The following NAPA variants were observed in gnomAD, a reference collection of about 807,000 sequenced individuals.
NAPA encodes alpha-soluble NSF attachment protein.
NAPA carries 18 observed loss-of-function variants against 48.0 expected under a neutral mutation model. The ratio of observed to expected loss-of-function variants is 0.38; its 90% confidence interval spans 0.26 to 0.56. The LOEUF is 0.56. Ranked by LOEUF, NAPA falls within the 20% of genes least tolerant of loss-of-function variation. NAPA has a pLI of 0.77. For missense variants in NAPA, 315 were observed against 385.0 expected (o/e 0.82, Z 1.52); for synonymous variants, 152 against 149.9 (o/e 1.01, Z -0.10).
chr19:47,505,721 G>A (rs577421703), intron 1 of NAPA, among the ~76,000 whole-genome samples: 37 of 152,276 alleles, frequency 2.4e-4, no homozygotes, highest in African/African-American at 7.7e-4. Context: ...CACGGTGGGC[G>A]GGCTGGTTGG....
In NAPA at chr19:47,498,299, C is replaced by T. The variant is rs559456138; in HGVS notation, c.295+2334G>A. 2.0e-5 allele frequency among the ~76,000 whole-genome samples: 3 copies of T among 152,292 alleles called. No individual in the cohort carries two copies. The South Asian group carries it at 6.2e-4, about 32-fold the overall frequency. On this transcript the variant is annotated intron_variant, in intron 3 of 10. Coordinates refer to ENST00000263354, the MANE Select transcript of NAPA (RefSeq NM_003827.4). ...GCAAGGTTCCAAATCGGGCCTCCAG[C>T]GCTGTCTCACAAGGCACCCGGCCAA...
At chr19:47,488,422 C>G (rs770054903) in intron 10 of NAPA, 33 bp from the exon 11 acceptor site, 4 of 1,567,144 alleles carry the variant, frequency 2.6e-6, no homozygotes, top group Non-Finnish European at 2.6e-6. Context: ...GCTGGCCATG[C>G]TCCCCCCGTT....
At chr19:47,500,854 A>G in intron 2 of NAPA, 105 bp from the exon 3 acceptor site, 2 of 829,670 alleles carry the variant, frequency 2.4e-6, no homozygotes, top group Non-Finnish European at 3.7e-6. Context: ...GAGAATGCGG[A>G]AAGAGTCCCC....
At position 47,493,340 on chromosome 19, in the gene NAPA, G is replaced by C; in HGVS notation, c.420+76C>G. On this transcript the variant is annotated intron_variant, in intron 5 of 10. Coordinates refer to ENST00000263354, the MANE Select transcript of NAPA (RefSeq NM_003827.4). The surrounding 1 kb of genome is among the most constrained non-coding windows in gnomAD (Gnocchi z 6.4). The stretch of plus-strand genomic sequence containing the variant: ...CCTTCTCGGCACTCAGACACCAGAG[G>C]ACTCCCCTGGTGGGAAGAAGAGAGA... The C allele has an allele frequency of 1.3e-6, 2 of 1,555,588 alleles. No homozygotes were observed. The highest frequency in any genetic ancestry group is 1.8e-6 in the Non-Finnish European group (2 of 1,130,336).
Position 47,493,159 on chromosome 19 carries a change from C to A in NAPA, c.436G>T (p.Glu146Ter), listed in dbSNP as rs754104858. Reference protein sequence around the residue: ...VDIEKAIAHYEQSADYYKGEE... With the variant: ...VDIEKAIAHY ...CCTTTGTAGTAGTCTGCAGACTGCTCGTAGTGGGCAATGGCCTGGGGAGAC... is the reference window on the plus strand; with the variant it reads ...CCTTTGTAGTAGTCTGCAGACTGCTAGTAGTGGGCAATGGCCTGGGGAGAC... The change falls in exon 6 of 11, where the codon GAG (glutamate) becomes TAG (stop). Residue 146 changes from glutamate to a stop codon, truncating the protein, a stop_gained. Coordinates refer to ENST00000263354, the MANE Select transcript of NAPA (RefSeq NM_003827.4). LOFTEE classifies it high-confidence loss of function. The surrounding 1 kb of genome is among the most constrained non-coding windows in gnomAD (Gnocchi z 6.4). The A allele has an allele frequency of 5.0e-6, 8 of 1,599,750 alleles. No homozygotes were observed. The highest frequency in any genetic ancestry group is 6.8e-6 in the Non-Finnish European group (8 of 1,171,402).
At chr19:47,495,260 C>T in intron 4 of NAPA, 3 of 461,814 alleles carry the variant, frequency 6.5e-6, no homozygotes, top group Non-Finnish European at 1.2e-5. Context: ...TCCCAACATG[C>T]CAGGATTACA....
chr19:47,505,810 C>T (rs1968682019), intron 1 of NAPA, among the ~76,000 whole-genome samples: 1 of 152,004 alleles, frequency 6.6e-6, no homozygotes, highest in East Asian at 1.9e-4. Flanking sequence ...GTCATCTTGC[C>T]AGATGAAAAG....
intron 1 of NAPA, among the ~76,000 whole-genome samples, chr19:47,509,324 T>C (rs993372309): frequency 2.1e-5 from 3 of 146,310 alleles, no homozygotes; most frequent in African/African-American, 7.5e-5. Context: ...TAAAATAAAA[T>C]AAAATAAAAT....
In NAPA at chr19:47,515,024, G is replaced by A. The variant is rs1008095483; in HGVS notation, c.-84C>T. 4 of 1,379,994 alleles carry A rather than the reference G, an allele frequency of 2.9e-6. No individual in the cohort carries two copies. Among genetic ancestry groups the A allele is most frequent in the Middle Eastern group, 2.3e-4 (1 of 4,340 alleles). 85.5% of individuals were successfully genotyped at this position (1,379,994 alleles called of 1,614,324 possible). A position where few individuals can be genotyped will look rare whatever the true frequency, so the allele number is the denominator to read the frequency against. ...CGGCCGGGCCGCGGAACACAGATCG[G>A]TAAAACTCGCCCGGCTGCGTTGACG... On this transcript the variant is annotated 5_prime_UTR_variant, in exon 1 of 11. Transcript: ENST00000263354.
rs958410724 is a variant in NAPA at position 47,506,588 on chromosome 19, C to T, written c.99-3086G>A. ...ACCCTGGATGGGCAGAAATGACCCA[C>T]GTCACTGAGTGGCCCACAGCGGGCA... On this transcript the variant is annotated intron_variant, in intron 1 of 10. Transcript: ENST00000263354. This position sits in a 1 kb window ranked among gnomAD's most constrained non-coding sequence, Gnocchi z 4.0. 1.3e-5 allele frequency among the ~76,000 whole-genome samples: 2 copies of T among 152,362 alleles called. No homozygotes were observed. Among genetic ancestry groups the T allele is most frequent in the Admixed American group, 6.5e-5 (1 of 15,302 alleles).
At chr19:47,501,776 C>T (rs1968583125) in intron 2 of NAPA, among the ~76,000 whole-genome samples, 1 of 152,206 alleles carries the variant, frequency 6.6e-6, no homozygotes, top group South Asian at 2.1e-4. Context: ...TCCAGCTCAG[C>T]TCTGAGGCTT....
At position 47,515,036 on chromosome 19, in the gene NAPA, CG is replaced by C; in HGVS notation, c.-97del. 7.8e-7 allele frequency: 1 copy of C among 1,289,352 alleles called. No homozygotes were observed. The highest frequency in any genetic ancestry group is 1.1e-6 in the Non-Finnish European group (1 of 930,400). 79.9% of individuals were successfully genotyped at this position (1,289,352 alleles called of 1,614,324 possible). A position where few individuals can be genotyped will look rare whatever the true frequency, so the allele number is the denominator to read the frequency against. On this transcript the variant is annotated 5_prime_UTR_variant, in exon 1 of 11. Coordinates refer to ENST00000263354, the MANE Select transcript of NAPA (RefSeq NM_003827.4). The stretch of plus-strand genomic sequence containing the variant: ...GGAACACAGATCGGTAAAACTCGCC[CG>C]GCTGCGTTGACGTCGCACCGGCGCG...
Position 47,504,711 on chromosome 19 carries a change from ATATC to A in NAPA, c.99-1213_99-1210del, listed in dbSNP as rs759336451. 1.6e-4 allele frequency among the ~76,000 whole-genome samples: 25 copies of A among 152,110 alleles called. No individual in the cohort carries two copies. In the East Asian group the frequency reaches 3.1e-3, roughly 19 times the overall value. On this transcript the variant is annotated intron_variant, in intron 1 of 10. Coordinates refer to ENST00000263354, the MANE Select transcript of NAPA (RefSeq NM_003827.4). ...TGTGTATGTGTATATATGTGTGTAT[ATATC>A]TATACATTTACACATACACAGACAC...
intron 1 of NAPA, among the ~76,000 whole-genome samples, chr19:47,511,819 C>T (rs920954863): frequency 2.0e-5 from 3 of 152,194 alleles, no homozygotes; most frequent in Admixed American, 2.0e-4. Flanking sequence ...TGAGTCAGAG[C>T]GAGCACTTAA....
At chr19:47,484,895 T>C (rs1968025949), downstream of NAPA, among the ~76,000 whole-genome samples, 1 of 152,082 alleles carries the variant, frequency 6.6e-6, no homozygotes, top group Non-Finnish European at 1.5e-5. Context: ...AGATGGGGTT[T>C]CGCCATGTTG....
rs918885876 is a variant in NAPA at position 47,498,279 on chromosome 19, G to A, written c.295+2354C>T. 7.9e-5 allele frequency among the ~76,000 whole-genome samples: 12 copies of A among 152,284 alleles called. No individual in the cohort carries two copies. The East Asian group carries it at 2.3e-3, about 29-fold the overall frequency. On this transcript the variant is annotated intron_variant, in intron 3 of 10. Transcript: ENST00000263354. ...CACCTGCTTGGGGAAGCCAGGCAAGGTTCCAAATCGGGCCTCCAGCGCTGT... is the reference window on the plus strand; with the variant it reads ...CACCTGCTTGGGGAAGCCAGGCAAGATTCCAAATCGGGCCTCCAGCGCTGT...
At chr19:47,490,406 T>G (rs1968220152) in intron 9 of NAPA, among the ~76,000 whole-genome samples, 1 of 147,532 alleles carries the variant, frequency 6.8e-6, no homozygotes, top group Admixed American at 6.8e-5. Context: ...GTGGTGTGTG[T>G]GTAGCGTGTG....
chr19:47,486,198 T>C (rs1968072377), downstream of NAPA, among the ~76,000 whole-genome samples: 1 of 151,956 alleles, frequency 6.6e-6, no homozygotes, highest in Non-Finnish European at 1.5e-5. Flanking sequence ...CTGCTAAAAA[T>C]ACAAAAATTA....
At position 47,488,396 on chromosome 19, in the gene NAPA, G is replaced by A. The variant is rs768705559; in HGVS notation, c.787-7C>T. On this transcript the variant is annotated splice_region_variant and splice_polypyrimidine_tract_variant and intron_variant, in intron 10 of 10. Coordinates refer to ENST00000263354, the MANE Select transcript of NAPA (RefSeq NM_003827.4). Reference sequence around the variant, plus strand: ...TGGAGTCGTATTCCTTCACCTGAGGGCACACCAGGTGATAGGCTGGCCATG... The same window carrying A: ...TGGAGTCGTATTCCTTCACCTGAGGACACACCAGGTGATAGGCTGGCCATG... 1.2e-6 allele frequency: 2 copies of A among 1,600,346 alleles called. No homozygotes were observed. Among genetic ancestry groups the A allele is most frequent in the Non-Finnish European group, 1.7e-6 (2 of 1,168,144 alleles).
Sources: gnomAD v4.1 joint callset for allele counts (sites outside exome capture counted in the v4.1 genomes callset) on GRCh38, gnomAD v4.1.1 for gene constraint, Gnocchi (gnomAD v3.1) non-coding constraint, MANE v1.5 for transcripts, NCBI Gene and HGNC (gene_info 2026-07-23, HGNC 2026-07-21) for gene names.